Variants in METTL16 observed in about 807,000 individuals in gnomAD.
METTL16 encodes the protein methyltransferase 16, RNA N6-adenosine.
In METTL16, 19 loss-of-function variants were observed where a neutral mutation model predicts 57.9. The ratio of observed to expected loss-of-function variants is 0.33; its 90% CI spans 0.23 to 0.48. The LOEUF (loss-of-function observed/expected upper bound fraction) is 0.48, where lower values mean the gene tolerates loss of function less well. Among genes scored for constraint, METTL16 ranks in the 20% least tolerant of loss-of-function variants. The pLI is 0.99. For synonymous variants in METTL16, 246 were observed against 255.6 expected (o/e 0.96, Z 0.36); for missense variants, 434 against 691.5 (o/e 0.63, Z 4.18).
intron 8 of METTL16, among the ~76,000 whole-genome samples, chr17:2,429,833 C>T (rs1348526297): frequency 6.6e-6 from 1 of 151,288 alleles, no homozygotes; most frequent in African/African-American, 2.4e-5. Flanking sequence ...TTTTCTGAGG[C>T]GGAGTCTCGC....
chr17:2,502,155 T>C (rs1227480441), intron 2 of METTL16, 49 bp downstream of exon 2: 1 of 1,588,630 alleles, frequency 6.3e-7, no homozygotes, highest in Non-Finnish European at 8.6e-7. Flanking sequence ...TTACATCATA[T>C]CCATTTGAAT....
Position 2,420,936 on chromosome 17 carries a change from G to C in METTL16, c.889-32C>G, listed in dbSNP as rs1432020362. ...GAAAAAGGAAGCATAGAAAAGAGAA[G>C]AAAGTTATCCGAATAATTAAACCTC... On this transcript the variant is annotated intron_variant, in intron 8 of 9. Transcript: ENST00000263092. This position sits in a 1 kb window ranked among gnomAD's most constrained non-coding sequence, Gnocchi z 5.4. The C allele has an allele frequency of 6.3e-7, 1 of 1,599,946 alleles. No individual in the cohort carries two copies. Among genetic ancestry groups the C allele is most frequent in the Non-Finnish European group, 8.5e-7 (1 of 1,174,396 alleles).
chr17:2,503,567 T>C (rs547716661), intron 1 of METTL16, among the ~76,000 whole-genome samples: 16 of 152,034 alleles, frequency 1.1e-4, no homozygotes, highest in South Asian at 1.0e-3. Flanking sequence ...AAATACAGTA[T>C]ATCCATACAC....
At chr17:2,453,661 A>G (rs569023512) in intron 6 of METTL16, among the ~76,000 whole-genome samples, 4 of 152,294 alleles carry the variant, frequency 2.6e-5, no homozygotes, top group East Asian at 3.9e-4. Context: ...CTTTGAAACT[A>G]GGTAGTTATC....
At chr17:2,429,078 G>A (rs547303790) in intron 8 of METTL16, among the ~76,000 whole-genome samples, 1 of 151,928 alleles carries the variant, frequency 6.6e-6, no homozygotes, top group South Asian at 2.1e-4. Flanking sequence ...GGCTGGTCTC[G>A]AACTCCCGAC....
At chr17:2,505,544 C>G (rs1424885658) in intron 1 of METTL16, among the ~76,000 whole-genome samples, 6 of 151,598 alleles carry the variant, frequency 4.0e-5, no homozygotes, top group Non-Finnish European at 8.8e-5. Context: ...CCACCACGCC[C>G]GGCCAGAACA....
intron 1 of METTL16, among the ~76,000 whole-genome samples, chr17:2,507,381 G>A (rs1348269104): frequency 2.0e-5 from 3 of 146,614 alleles, no homozygotes; most frequent in Admixed American, 2.0e-4. Flanking sequence ...GAGGTGGGGG[G>A]GTCAGCCCCC....
In METTL16 at chr17:2,444,701, C is replaced by T. The variant is rs962426204; in HGVS notation, c.729-3142G>A. Among the ~76,000 whole-genome samples the T allele has an allele frequency of 3.3e-5, 5 of 151,422 alleles. No homozygotes were observed. In the East Asian group the frequency reaches 7.7e-4, roughly 23 times the overall value. On this transcript the variant is annotated intron_variant, in intron 6 of 9. Coordinates refer to ENST00000263092, the MANE Select transcript of METTL16 (RefSeq NM_024086.4). ...AGCTCCACTCATGGTAAGTGCCCTACACAGATGGACCATTTTTTTTTTTTT... is the reference window on the plus strand; with the variant it reads ...AGCTCCACTCATGGTAAGTGCCCTATACAGATGGACCATTTTTTTTTTTTT...
At chr17:2,488,809 T>C (rs1385057595) in intron 2 of METTL16, among the ~76,000 whole-genome samples, 1 of 152,192 alleles carries the variant, frequency 6.6e-6, no homozygotes, top group Admixed American at 6.5e-5. Context: ...AGATGGGACA[T>C]TCTACGTTGC....
At chr17:2,434,022 T>G (rs2066893400) in intron 8 of METTL16, among the ~76,000 whole-genome samples, 1 of 152,142 alleles carries the variant, frequency 6.6e-6, no homozygotes, top group Non-Finnish European at 1.5e-5. Flanking sequence ...CTCATCATTG[T>G]GAGTAACAGA....
In METTL16 at chr17:2,441,549, A is replaced by G; in HGVS notation, c.739T>C (p.Cys247Arg). 6.3e-7 allele frequency: 1 copy of G among 1,579,850 alleles called. No individual in the cohort carries two copies. Among genetic ancestry groups the G allele is most frequent in the Non-Finnish European group, 8.6e-7 (1 of 1,162,522 alleles). Residue 247 changes from cysteine (C) to arginine (R), a missense_variant, in exon 7 of 10, where the codon TGC (cysteine) becomes CGC (arginine). Cys to Arg is a radical substitution (Grantham distance 180). Around this residue, in one of 5 missense-constraint regions of METTL16, gnomAD observed 96 missense variants for 138.3 expected, o/e 0.69. Coordinates refer to ENST00000263092, the MANE Select transcript of METTL16 (RefSeq NM_024086.4). Reference sequence around the variant, plus strand: ...AGGCTGCATTTCTTTCCCAGCATGCAGCTATACCATCTAGGAAAAAAAAAA... The same window carrying G: ...AGGCTGCATTTCTTTCCCAGCATGCGGCTATACCATCTAGGAAAAAAAAAA... ...QLKKRLRWYSCMLGKKCSLAP... is the reference protein window; with the variant it reads ...QLKKRLRWYSRMLGKKCSLAP...
chr17:2,492,301 T>A (rs2067404119), intron 2 of METTL16, among the ~76,000 whole-genome samples: 1 of 152,210 alleles, frequency 6.6e-6, no homozygotes, highest in Admixed American at 6.5e-5. Flanking sequence ...AATTGTAGGC[T>A]GTCCCTATGG....
chr17:2,424,683 T>C (rs1239144511), intron 8 of METTL16, among the ~76,000 whole-genome samples: 1 of 151,622 alleles, frequency 6.6e-6, no homozygotes, highest in African/African-American at 2.4e-5. Context: ...GCGCAGTGGC[T>C]CACGCCTGTA....
chr17:2,492,950 C>CA (rs2067411966), intron 2 of METTL16, among the ~76,000 whole-genome samples: 1 of 150,356 alleles, frequency 6.7e-6, no homozygotes, highest in Non-Finnish European at 1.5e-5. Flanking sequence ...CTGGCACCCT[C>CA]AAGACTGATA....
At chr17:2,421,012 A>G in intron 8 of METTL16, 108 bp from the exon 9 acceptor site, 1 of 1,219,062 alleles carries the variant, frequency 8.2e-7, no homozygotes, top group East Asian at 2.3e-5. Context: ...GCTACCAATC[A>G]TAGAGCACTG....
intron 2 of METTL16, among the ~76,000 whole-genome samples, chr17:2,483,045 C>G (rs1043012891): frequency 6.8e-6 from 1 of 146,386 alleles, no homozygotes; most frequent in Non-Finnish European, 1.5e-5. Context: ...GCAGCAAGAA[C>G]AAAGCATGAT....
Position 2,420,794 on chromosome 17 carries a change from C to T in METTL16, c.999G>A (p.Ser333=), listed in dbSNP as rs781603857. Residue 333 remains serine, a synonymous_variant, in exon 9 of 10, where the codon TCG becomes TCA. Coordinates refer to ENST00000263092, the MANE Select transcript of METTL16 (RefSeq NM_024086.4). The surrounding 1 kb of genome is among the most constrained non-coding windows in gnomAD (Gnocchi z 5.4). ...CAACGACTATGCCTTCCGCCGTCTC[C>T]GAGCGCAGAGGTGATGCTTTGAGGG... The part of the protein sequence containing the change: ...ELSLKASPLR[S]ETAEGIVVVT... 1.4e-5 allele frequency: 23 copies of T among 1,614,082 alleles called. No homozygotes were observed. The highest frequency in any genetic ancestry group is 9.3e-5 in the African/African-American group (7 of 74,928).
At chr17:2,480,885 A>C (rs1597463501) in intron 2 of METTL16, among the ~76,000 whole-genome samples, 1 of 152,224 alleles carries the variant, frequency 6.6e-6, no homozygotes, top group Non-Finnish European at 1.5e-5. Context: ...GATGCTAAAA[A>C]TAATGAGTAA....
At chr17:2,448,754 A>AAT (rs1555617255) in intron 6 of METTL16, among the ~76,000 whole-genome samples, 4 of 116,668 alleles carry the variant, frequency 3.4e-5, no homozygotes, top group African/African-American at 1.6e-4. Context: ...AAAAAAAATA[A>AAT]AATAAAAAAA....
Sources: allele counts gnomAD v4.1 joint callset (sites outside exome capture counted in the v4.1 genomes callset), GRCh38; gene constraint gnomAD v4.1.1; regional missense constraint gnomAD v4.1.1; non-coding constraint Gnocchi (gnomAD v3.1); transcripts MANE v1.5; gene names NCBI Gene and HGNC (gene_info 2026-07-23, HGNC 2026-07-21).